PDE11A: variants seen among roughly 807,000 people sequenced by gnomAD.
PDE11A encodes dual 3',5'-cyclic-AMP and -GMP phosphodiesterase 11A.
In PDE11A, 100 loss-of-function variants were observed where a neutral mutation model predicts 100.5. That is an observed-to-expected ratio of 1.00 (90% CI 0.85 to 1.18). The LOEUF is 1.18. PDE11A is among the 50% of genes most tolerant of loss of function. PDE11A has a pLI of 0.00. For missense variants in PDE11A, 1,141 were observed against 1,152.6 expected, an observed-to-expected ratio of 0.99 and a Z score of 0.15; for synonymous variants, 381 against 420.8, an observed-to-expected ratio of 0.91 and a Z score of 1.16.
At chr2:177,734,434 A>G (rs1219438891) in intron 10 of PDE11A, among the ~76,000 whole-genome samples, 2 of 152,180 alleles carry the variant, frequency 1.3e-5, no homozygotes, top group East Asian at 3.8e-4. Flanking sequence ...TGAGGCTGCA[A>G]TACACTATGA....
chr2:177,746,938 C>T (rs1349791895), intron 10 of PDE11A, among the ~76,000 whole-genome samples: 7 of 151,988 alleles, frequency 4.6e-5, no homozygotes, highest in Non-Finnish European at 1.0e-4. Context: ...AAGATAGATA[C>T]CAGAGGAAAC....
intron 1 of PDE11A, among the ~76,000 whole-genome samples, chr2:178,070,168 CATT>C (rs2087107358): frequency 6.6e-6 from 1 of 152,192 alleles, no homozygotes; most frequent in Non-Finnish European, 1.5e-5. Flanking sequence ...GAAAACCACT[CATT>C]GTTGCTTCAC....
intron 9 of PDE11A, among the ~76,000 whole-genome samples, chr2:177,789,768 A>C (rs1243954464): frequency 1.3e-5 from 2 of 152,188 alleles, no homozygotes; most frequent in Non-Finnish European, 2.9e-5. Context: ...GAGCCAAATC[A>C]TGAGTGAACT....
intron 12 of PDE11A, among the ~76,000 whole-genome samples, chr2:177,725,055 G>C (rs1222897912): frequency 2.0e-5 from 3 of 152,064 alleles, no homozygotes; most frequent in African/African-American, 7.2e-5. Context: ...TTTAATCACT[G>C]ATAAGATCAA....
At chr2:177,754,672 T>G (rs2082067511) in intron 10 of PDE11A, among the ~76,000 whole-genome samples, 1 of 152,206 alleles carries the variant, frequency 6.6e-6, no homozygotes, top group Non-Finnish European at 1.5e-5. Flanking sequence ...GCATTTTATC[T>G]CACTCTGTCC....
intron 12 of PDE11A, among the ~76,000 whole-genome samples, chr2:177,725,285 A>G (rs1160924175): frequency 2.7e-5 from 4 of 150,216 alleles, no homozygotes; most frequent in Non-Finnish European, 6.0e-5. Flanking sequence ...GATTGACCAG[A>G]GTCAAGCTTG....
chr2:177,983,123 G>A (rs958934294), intron 2 of PDE11A, among the ~76,000 whole-genome samples: 4 of 146,976 alleles, frequency 2.7e-5, no homozygotes, highest in African/African-American at 9.8e-5. Flanking sequence ...ACTTCATAAA[G>A]CAAACATATT....
chr2:177,962,645 C>G (rs2085649128), intron 2 of PDE11A, among the ~76,000 whole-genome samples: 1 of 152,002 alleles, frequency 6.6e-6, no homozygotes, highest in Non-Finnish European at 1.5e-5. Context: ...TCCAAGCATA[C>G]ATGAAAGATG....
At chr2:177,913,173 T>C (rs2084906267) in intron 2 of PDE11A, among the ~76,000 whole-genome samples, 1 of 152,208 alleles carries the variant, frequency 6.6e-6, no homozygotes, top group Admixed American at 6.5e-5. Context: ...TGGATTAATG[T>C]AGTTTACTTA....
At chr2:177,701,793 TCTA>T (rs1456577666) in intron 13 of PDE11A, among the ~76,000 whole-genome samples, 11 of 152,286 alleles carry the variant, frequency 7.2e-5, no homozygotes, top group Middle Eastern at 3.4e-3. Flanking sequence ...CTGACAGCCT[TCTA>T]CTACAGCTTT....
intron 5 of PDE11A, among the ~76,000 whole-genome samples, chr2:177,854,503 C>G (rs934941715): frequency 6.6e-6 from 1 of 152,004 alleles, no homozygotes; most frequent in Admixed American, 6.6e-5. Context: ...ACATACTTCA[C>G]TAGTGCCAAG....
chr2:177,657,399 G>T (rs1366771340), intron 19 of PDE11A, among the ~76,000 whole-genome samples: 2 of 152,162 alleles, frequency 1.3e-5, no homozygotes, highest in Non-Finnish European at 2.9e-5. Context: ...GAAACAAGCT[G>T]CCATCATTCA....
intron 2 of PDE11A, among the ~76,000 whole-genome samples, chr2:177,991,975 C>T (rs1257401492): frequency 6.6e-6 from 1 of 151,208 alleles, no homozygotes; most frequent in Non-Finnish European, 1.5e-5. Context: ...AACACATTTA[C>T]CCTTATAGTA....
chr2:178,017,024 A>G (rs1399766204), intron 1 of PDE11A, among the ~76,000 whole-genome samples: 1 of 152,242 alleles, frequency 6.6e-6, no homozygotes, highest in East Asian at 1.9e-4. Flanking sequence ...TCTCCTCCCA[A>G]CTAAAATATA....
intron 6 of PDE11A, among the ~76,000 whole-genome samples, chr2:177,838,565 G>T (rs1431524061): frequency 6.6e-6 from 1 of 152,054 alleles, no homozygotes; most frequent in Non-Finnish European, 1.5e-5. Flanking sequence ...TGCTGACAGG[G>T]GGCACTATTT....
chr2:178,025,268 G>C (rs191529391), intron 1 of PDE11A, among the ~76,000 whole-genome samples: 29 of 152,230 alleles, frequency 1.9e-4, no homozygotes, highest in Admixed American at 1.8e-3. Context: ...CATTCACATA[G>C]GTAAGCTCTA....
chr2:178,071,141 G>A (rs140574797), intron 1 of PDE11A, among the ~76,000 whole-genome samples: 54 of 152,254 alleles, frequency 3.5e-4, no homozygotes, highest in Non-Finnish European at 5.1e-4. Context: ...TCTTAACACC[G>A]GAATTCTGGA....
chr2:178,004,010 AATGCAAACATGTAAATTAC>A (rs2086175351), intron 2 of PDE11A, among the ~76,000 whole-genome samples: 1 of 152,210 alleles, frequency 6.6e-6, no homozygotes, highest in Admixed American at 6.5e-5. Context: ...GGTGGAAAAT[AATGCAAACATGTAAATTAC>A]ATCTTTGAAG....
At chr2:177,751,037 T>C (rs1255681550) in intron 10 of PDE11A, among the ~76,000 whole-genome samples, 3 of 152,010 alleles carry the variant, frequency 2.0e-5, no homozygotes, top group African/African-American at 4.8e-5. Flanking sequence ...CCAAGTCTAA[T>C]GTCCAGCCAG....
Sources: allele counts gnomAD v4.1 joint callset (sites outside exome capture counted in the v4.1 genomes callset), GRCh38; gene constraint gnomAD v4.1.1; transcripts MANE v1.5; gene names NCBI Gene and HGNC (gene_info 2026-07-23, HGNC 2026-07-21).